The following UCHL5 variants were observed in gnomAD, a reference collection of about 807,000 sequenced individuals.
The protein encoded by UCHL5 is ubiquitin carboxyl-terminal hydrolase isozyme L5.
In UCHL5, 34 loss-of-function variants were observed where a neutral mutation model predicts 53.8. That is an observed-to-expected ratio of 0.63 (90% CI 0.48 to 0.84). The LOEUF is 0.84. Among genes scored for constraint, UCHL5 ranks in the 40% least tolerant of loss-of-function variants. UCHL5 has a pLI of 0.00. For synonymous variants in UCHL5, 111 were observed against 126.3 expected, an observed-to-expected ratio of 0.88 and a Z score of 0.81; for missense variants, 290 against 385.6, an observed-to-expected ratio of 0.75 and a Z score of 2.08.
upstream of UCHL5, chr1:193,059,692 G>T: frequency 7.4e-7 from 1 of 1,360,240 alleles, no homozygotes. The surrounding 1 kb of genome is among the most constrained non-coding windows in gnomAD (Gnocchi z 4.9). Flanking sequence ...TGCCCGTCAG[G>T]CTGCCTTCTT....
At chr1:193,047,401 T>C (rs565627217) in intron 3 of UCHL5, among the ~76,000 whole-genome samples, 1 of 152,220 alleles carries the variant, frequency 6.6e-6, no homozygotes, top group Admixed American at 6.5e-5. Flanking sequence ...AAATGATACA[T>C]TTTTAACTAC....
chr1:193,044,124 G>A (rs1666614863), intron 3 of UCHL5, among the ~76,000 whole-genome samples: 1 of 152,154 alleles, frequency 6.6e-6, no homozygotes, highest in African/African-American at 2.4e-5. Flanking sequence ...TAGTTTTGTG[G>A]ACAGTTCCTA....
chr1:193,023,927 G>A lies in UCHL5; in HGVS notation c.649C>T (p.Arg217Ter), dbSNP rs375856662. 5.6e-6 allele frequency: 9 copies of A among 1,609,962 alleles called. No homozygotes were observed. The highest frequency in any genetic ancestry group is 1.7e-5 in the Admixed American group (1 of 59,496). Residue 217 changes from arginine (R) to a stop codon, truncating the protein, a stop_gained, in exon 8 of 11, where the codon CGA (arginine) becomes TGA (stop). Transcript: ENST00000367454. LOFTEE classifies it high-confidence loss of function. ...GACACAATGGCCATTAAATTAAATC[G>A]AATTTCACCTTCACTGTACCTAGAA... Reference protein sequence around the residue: ...RIQKYSEGEIRFNLMAIVSDR... With the variant: ...RIQKYSEGEI
chr1:193,014,920 T>A lies in UCHL5; in HGVS notation c.*1431A>T, dbSNP rs1401590811. 1 of 152,116 alleles carries A rather than the reference T, an allele frequency of 6.6e-6. No homozygotes were observed. The highest frequency in any genetic ancestry group is 1.5e-5 in the Non-Finnish European group (1 of 67,992). 9.4% of individuals were successfully genotyped at this position (152,116 alleles called of 1,614,324 possible). ...ATAGGAAAGAATATATAAATTAAGC[T>A]GAAATAAACGAATGAGATCAAGATG... is the stretch of plus-strand genomic sequence containing the variant. On this transcript the variant is annotated 3_prime_UTR_variant, in exon 11 of 11. Coordinates refer to ENST00000367454, the MANE Select transcript of UCHL5 (RefSeq NM_001199261.3).
rs1394047516 is a variant in UCHL5 at position 193,016,222 on chromosome 1, C to T, written c.*129G>A. ...AGTTTATGAATCCATGCATTAAAGACAAGACAGGCTGGCACTATTGCCAAA... is the reference window on the plus strand; with the variant it reads ...AGTTTATGAATCCATGCATTAAAGATAAGACAGGCTGGCACTATTGCCAAA... On this transcript the variant is annotated 3_prime_UTR_variant, in exon 11 of 11. Transcript: ENST00000367454. 3 of 990,146 alleles carry T rather than the reference C, an allele frequency of 3.0e-6. No individual in the cohort carries two copies. Among genetic ancestry groups the T allele is most frequent in the Admixed American group, 5.2e-5 (2 of 38,484 alleles). 61.3% of individuals were successfully genotyped at this position (990,146 alleles called of 1,614,324 possible).
chr1:193,056,288 A>G (rs751187640), intron 1 of UCHL5, among the ~76,000 whole-genome samples: 6 of 152,090 alleles, frequency 3.9e-5, no homozygotes, highest in South Asian at 4.1e-4. Context: ...GAGTGATTCT[A>G]TTGATCTTCC....
At chr1:193,057,394 G>C (rs1670956497) in intron 1 of UCHL5, 1 of 155,892 alleles carries the variant, frequency 6.4e-6, no homozygotes, top group Non-Finnish European at 1.5e-5. Flanking sequence ...AAGGAATGAA[G>C]AGCAGACATT....
chr1:193,040,922 TGTGAAA>T (rs1285509870), intron 3 of UCHL5, among the ~76,000 whole-genome samples: 1 of 152,166 alleles, frequency 6.6e-6, no homozygotes, highest in African/African-American at 2.4e-5. Flanking sequence ...CTCACTCACA[TGTGAAA>T]GCTAAAACAG....
At chr1:193,029,473 C>T in intron 4 of UCHL5, 24 bp from the exon 5 acceptor site, 1 of 1,613,228 alleles carries the variant, frequency 6.2e-7, no homozygotes, top group Non-Finnish European at 8.5e-7. Context: ...TTAAAGTAGC[C>T]TATTAATATA....
intron 9 of UCHL5, among the ~76,000 whole-genome samples, chr1:193,022,131 T>TC (rs981651379): frequency 5.9e-5 from 9 of 152,112 alleles, no homozygotes; most frequent in African/African-American, 2.2e-4. Flanking sequence ...CCTCCCTTTT[T>TC]CCCGCCTGGA....
At position 193,059,280 on chromosome 1, in the gene UCHL5, C is replaced by T. The variant is rs1416259342; in HGVS notation, c.-20G>A. The T allele has an allele frequency of 6.2e-7, 1 of 1,613,642 alleles. No individual in the cohort carries two copies. The highest frequency in any genetic ancestry group is 2.2e-5 in the East Asian group (1 of 44,866). On this transcript the variant is annotated 5_prime_UTR_variant, in exon 1 of 11. Transcript: ENST00000367454. The surrounding 1 kb of genome is among the most constrained non-coding windows in gnomAD (Gnocchi z 4.9). ...CGTCATGGCCCTGGCCACACACCGC[C>T]CCGATCCACCTCTCGCTCTCAGCTG...
rs1553259879 is a variant in UCHL5, at chr1:193,051,489, A to AAG, written c.140+264_140+265insCT. Reference sequence around the variant, plus strand: ...AAGTGAATTTTGTAAAAAAAAAAAAAAAAAAAAATCAACTAACCAGTACTT... The same window carrying AAG: ...AAGTGAATTTTGTAAAAAAAAAAAAAAGAAAAAAAATCAACTAACCAGTACTT... On this transcript the variant is annotated intron_variant, in intron 2 of 10. Coordinates refer to ENST00000367454, the MANE Select transcript of UCHL5 (RefSeq NM_001199261.3). Among the ~76,000 whole-genome samples the AAG allele has an allele frequency of 1.9e-4, 29 of 151,280 alleles. 1 individual carries two copies. Among genetic ancestry groups the AAG allele is most frequent in the Admixed American group, 6.6e-5 (1 of 15,176 alleles).
intron 10 of UCHL5, chr1:193,018,641 T>A (rs903935770): frequency 6.4e-6 from 8 of 1,254,810 alleles, no homozygotes; most frequent in African/African-American, 1.6e-5. Context: ...ATTTTGCAAA[T>A]AAAAAGATTT....
chr1:193,056,249 C>T (rs1462998170), intron 1 of UCHL5, among the ~76,000 whole-genome samples: 1 of 152,018 alleles, frequency 6.6e-6, no homozygotes, highest in African/African-American at 2.4e-5. Context: ...AATACAGGAA[C>T]ATCTCTTTTT....
chr1:193,045,788 C>T (rs1667147413), intron 3 of UCHL5, among the ~76,000 whole-genome samples: 1 of 152,122 alleles, frequency 6.6e-6, no homozygotes, highest in Non-Finnish European at 1.5e-5. Flanking sequence ...CTTTTATTTT[C>T]TACAGCATCC....
chr1:193,058,923 G>C (rs1443198516), intron 1 of UCHL5, among the ~76,000 whole-genome samples: 1 of 152,210 alleles, frequency 6.6e-6, no homozygotes, highest in East Asian at 1.9e-4. Flanking sequence ...TACAGGATTT[G>C]GGTGCCAGGT....
At chr1:193,022,863 C>T in intron 9 of UCHL5, 63 bp downstream of exon 9, 2 of 1,168,696 alleles carry the variant, frequency 1.7e-6, no homozygotes, top group East Asian at 2.4e-5. Flanking sequence ...TTCAATGTAC[C>T]TTCATCTTGA....
rs749561076 is a variant in UCHL5 at position 193,023,006 on chromosome 1, T to C, written c.763A>G (p.Met255Val). 6.2e-6 allele frequency: 10 copies of C among 1,613,206 alleles called. No homozygotes were observed. The Admixed American group carries it at 6.7e-5, about 11-fold the overall frequency. Residue 255 changes from methionine (M) to valine (V), a missense_variant, in exon 9 of 11, where the codon ATG (methionine) becomes GTG (valine). Coordinates refer to ENST00000367454, the MANE Select transcript of UCHL5 (RefSeq NM_001199261.3). ...ACTTCTGACTGAATAGCACTTAACA[T>C]ACTATTACCTTGATCTGTATCCATG... Reference protein sequence around the residue: ...EPMDTDQGNSMLSAIQSEVAK... With the variant: ...EPMDTDQGNSVLSAIQSEVAK...
At chr1:193,056,554 A>G (rs943158034) in intron 1 of UCHL5, among the ~76,000 whole-genome samples, 1 of 152,182 alleles carries the variant, frequency 6.6e-6, no homozygotes, top group Non-Finnish European at 1.5e-5. Context: ...GTTTTGGCAC[A>G]CATATGTATT....
Sources: allele counts gnomAD v4.1 joint callset (sites outside exome capture counted in the v4.1 genomes callset), GRCh38; gene constraint gnomAD v4.1.1; non-coding constraint Gnocchi (gnomAD v3.1); transcripts MANE v1.5; gene names NCBI Gene and HGNC (gene_info 2026-07-23, HGNC 2026-07-21).